Variants in MEPE observed in about 807,000 individuals in gnomAD.
MEPE encodes the protein matrix extracellular phosphoglycoprotein.
In MEPE, 7 loss-of-function variants were observed where a neutral mutation model predicts 7.3. The ratio of observed to expected loss-of-function variants is 0.95; its 90% confidence interval spans 0.54 to 1.79. The LOEUF (loss-of-function observed/expected upper bound fraction) is 1.79, where lower values mean the gene tolerates loss of function less well. Ranked by LOEUF, MEPE falls within the 40% of genes most tolerant of loss-of-function variation. MEPE has a pLI of 0.00. For missense variants in MEPE, 623 were observed against 628.2 expected, an observed-to-expected ratio of 0.99 and a Z score of 0.09; for synonymous variants, 214 against 213.1, an observed-to-expected ratio of 1.00 and a Z score of -0.04.
chr4:87,821,975 A>C (rs1722349283), intron 1 of MEPE, among the ~76,000 whole-genome samples: 1 of 152,144 alleles, frequency 6.6e-6, no homozygotes, highest in Non-Finnish European at 1.5e-5. Context: ...ACAAATGGCC[A>C]ACACAGCCCT....
chr4:87,828,956 C>G (rs72875448), upstream of MEPE, among the ~76,000 whole-genome samples: 1 of 152,090 alleles, frequency 6.6e-6, no homozygotes, highest in African/African-American at 2.4e-5. Flanking sequence ...TGTGAAGATA[C>G]ATATTTTTTT....
chr4:87,838,230 C>T (rs1722874581), intron 2 of MEPE, among the ~76,000 whole-genome samples: 4 of 152,164 alleles, frequency 2.6e-5, no homozygotes, highest in Admixed American at 2.6e-4. Context: ...TTTAAATCGT[C>T]AAACTCTGAT....
At chr4:87,827,889 T>G (rs551923343) in intron 1 of MEPE, among the ~76,000 whole-genome samples, 2 of 152,280 alleles carry the variant, frequency 1.3e-5, no homozygotes, top group African/African-American at 4.8e-5. Context: ...ATGGCTTCTG[T>G]TGAAATTCCC....
At chr4:87,833,335 T>C (rs1722651235) in intron 1 of MEPE, among the ~76,000 whole-genome samples, 1 of 152,204 alleles carries the variant, frequency 6.6e-6, no homozygotes, top group South Asian at 2.1e-4. Context: ...AATCTGATCT[T>C]ATTCATACTT....
intron 3 of MEPE, among the ~76,000 whole-genome samples, chr4:87,843,801 C>T (rs970389676): frequency 2.0e-5 from 3 of 152,150 alleles, no homozygotes; most frequent in African/African-American, 7.2e-5. Context: ...TCTAATATGG[C>T]ATCCAGGTGT....
intron 1 of MEPE, among the ~76,000 whole-genome samples, chr4:87,826,127 T>C (rs986458277): frequency 2.0e-5 from 3 of 152,164 alleles, no homozygotes; most frequent in East Asian, 1.9e-4. Flanking sequence ...CAGTATATCA[T>C]TGATGCACAT....
At chr4:87,840,666 GA>G (rs1037860765) in intron 3 of MEPE, among the ~76,000 whole-genome samples, 3 of 152,124 alleles carry the variant, frequency 2.0e-5, no homozygotes, top group African/African-American at 7.2e-5. Flanking sequence ...TGTAAAACAA[GA>G]CAGAATGTGG....
At chr4:87,839,895 C>T in intron 3 of MEPE, 2 of 1,540,176 alleles carry the variant, frequency 1.3e-6, no homozygotes, top group Non-Finnish European at 1.7e-6. Context: ...TGTCTTATGG[C>T]TGGCACTTTT....
upstream of MEPE, among the ~76,000 whole-genome samples, chr4:87,828,451 T>C (rs879651971): frequency 2.6e-5 from 4 of 151,986 alleles, no homozygotes; most frequent in Non-Finnish European, 4.4e-5. Flanking sequence ...CAAGAATAAA[T>C]TGGGGACCAT....
At position 87,845,758 on chromosome 4, in the gene MEPE, A is replaced by T; in HGVS notation, c.890A>T (p.Asp297Val). ...GPSEAESTHLDTKKPGYNEIP... is the reference protein window; with the variant it reads ...GPSEAESTHLVTKKPGYNEIP... ...AGTGAAGCTGAGAGTACTCATCTTG[A>T]CACAAAAAAGCCAGGTTATAATGAG... is the stretch of plus-strand genomic sequence containing the variant. The change falls in exon 4 of 4, where the codon GAC becomes GTC. Residue 297 changes from aspartate to valine, a missense_variant. By Grantham distance (152) the Asp-to-Val change is radical. Transcript: ENST00000361056. The T allele has an allele frequency of 6.2e-7, 1 of 1,614,020 alleles. No individual in the cohort carries two copies. The highest frequency in any genetic ancestry group is 8.5e-7 in the Non-Finnish European group (1 of 1,179,952).
intron 3 of MEPE, among the ~76,000 whole-genome samples, chr4:87,844,668 T>C (rs983681212): frequency 2.6e-5 from 4 of 152,186 alleles, no homozygotes; most frequent in African/African-American, 4.8e-5. Flanking sequence ...ACTATGTAGG[T>C]TTATTCATAT....
chr4:87,829,380 A>G (rs11937703), upstream of MEPE, among the ~76,000 whole-genome samples: 2,209 of 152,248 alleles, frequency 0.015, 60 homozygotes, highest in African/African-American at 0.051. Flanking sequence ...TTAAAACTCT[A>G]TAAATTTTCT....
upstream of MEPE, among the ~76,000 whole-genome samples, chr4:87,829,065 T>G (rs1012380054): frequency 3.3e-5 from 5 of 152,160 alleles, no homozygotes; most frequent in African/African-American, 1.2e-4. Flanking sequence ...ATATTGAGTT[T>G]TTGAAGTTCA....
At chr4:87,824,182 C>A (rs901904688) in intron 1 of MEPE, among the ~76,000 whole-genome samples, 1 of 152,102 alleles carries the variant, frequency 6.6e-6, no homozygotes, top group Non-Finnish European at 1.5e-5. Flanking sequence ...CAGCAAACTT[C>A]TTTTTTAAAA....
intron 2 of MEPE, 135 bp downstream of exon 2, chr4:87,834,903 A>C: frequency 1.5e-6 from 1 of 688,754 alleles, no homozygotes; most frequent in South Asian, 2.1e-5. Context: ...AGCAAACAGA[A>C]AGCATCTAGC....
chr4:87,822,760 G>A (rs931741763), intron 1 of MEPE, among the ~76,000 whole-genome samples: 1 of 152,176 alleles, frequency 6.6e-6, no homozygotes, highest in African/African-American at 2.4e-5. Context: ...GTGCTCAACT[G>A]AAACTAAAGA....
intron 3 of MEPE, among the ~76,000 whole-genome samples, chr4:87,841,447 T>C (rs1030889715): frequency 2.0e-5 from 3 of 152,180 alleles, no homozygotes; most frequent in African/African-American, 7.2e-5. Flanking sequence ...TATTAAAAAA[T>C]TAATGAACAA....
intron 3 of MEPE, chr4:87,840,047 G>A: frequency 6.5e-7 from 1 of 1,535,246 alleles, no homozygotes; most frequent in Non-Finnish European, 8.7e-7. Context: ...GATACTCATG[G>A]ACCTCAGGTG....
Position 87,846,506 on chromosome 4 carries a change from T to G in MEPE, c.*60T>G. 1 of 1,535,322 alleles carries G rather than the reference T, an allele frequency of 6.5e-7. No homozygotes were observed. The highest frequency in any genetic ancestry group is 2.3e-5 in the East Asian group (1 of 44,394). On this transcript the variant is annotated 3_prime_UTR_variant, in exon 4 of 4. Transcript: ENST00000361056. ...AGACCTCGTCACCTGTGAGTTGATG[T>G]AGAGGAGAGCCACCTGACAGCTGAC... is the stretch of plus-strand genomic sequence containing the variant.
Sources: allele counts gnomAD v4.1 joint callset (sites outside exome capture counted in the v4.1 genomes callset), GRCh38; gene constraint gnomAD v4.1.1; transcripts MANE v1.5; gene names NCBI Gene and HGNC (gene_info 2026-07-23, HGNC 2026-07-21).